SEMA3E: variants seen among roughly 807,000 people sequenced by gnomAD.
SEMA3E encodes semaphorin-3E.
A neutral mutation model predicts 93.6 loss-of-function variants in SEMA3E; 49 were observed. The observed-to-expected ratio is 0.52, with a 90% CI of 0.42 to 0.66. The LOEUF (loss-of-function observed/expected upper bound fraction) is 0.66. Ranked by LOEUF, SEMA3E falls within the 30% of genes least tolerant of loss-of-function variation. SEMA3E has a pLI of 0.00. For missense variants in SEMA3E, 906 were observed against 964.8 expected, an observed-to-expected ratio of 0.94 and a Z score of 0.81; for synonymous variants, 363 against 330.7, an observed-to-expected ratio of 1.10 and a Z score of -1.06.
chr7:83,433,003 A>G (rs1241964340), intron 4 of SEMA3E, among the ~76,000 whole-genome samples: 1 of 152,158 alleles, frequency 6.6e-6, no homozygotes, highest in Non-Finnish European at 1.5e-5. Flanking sequence ...AACTTTTGCT[A>G]TGCATTTGAT....
At chr7:83,418,248 A>G in intron 5 of SEMA3E, 142 bp downstream of exon 5, 1 of 696,838 alleles carries the variant, frequency 1.4e-6, no homozygotes, top group South Asian at 1.6e-5. Context: ...CTTGAAATTT[A>G]ATATCATTGC....
intron 1 of SEMA3E, among the ~76,000 whole-genome samples, chr7:83,582,120 T>C (rs17157873): frequency 0.27 from 41,480 of 151,302 alleles, 6,226 homozygotes; most frequent in East Asian, 0.39. Context: ...CAAGCATTTT[T>C]CCCATATATA....
In SEMA3E at chr7:83,363,859, CATTTTTTTT is replaced by C. The variant is rs1794621573; in HGVS notation, c.*3718_*3726del. 8.2e-4 allele frequency: 82 copies of C among 100,558 alleles called. 1 individual carries two copies. Among genetic ancestry groups the C allele is most frequent in the African/African-American group, 2.6e-3 (55 of 21,448 alleles). 6.2% of individuals were successfully genotyped at this position (100,558 alleles called of 1,614,324 possible). A position where few individuals can be genotyped will look rare whatever the true frequency, so the allele number is the denominator to read the frequency against. Reference sequence around the variant, plus strand: ...AGGCTACAGGTGTCACAGGTCAATTCATTTTTTTTTTTTTTTTTTTTTTTTTTTTTTTTT... The same window carrying C: ...AGGCTACAGGTGTCACAGGTCAATTCTTTTTTTTTTTTTTTTTTTTTTTTT... On this transcript the variant is annotated 3_prime_UTR_variant, in exon 17 of 17. Transcript: ENST00000643230.
intron 4 of SEMA3E, among the ~76,000 whole-genome samples, chr7:83,419,104 T>G (rs2115697661): frequency 8.8e-6 from 1 of 113,884 alleles, no homozygotes; most frequent in Non-Finnish European, 2.0e-5. Context: ...TATGTCTGCA[T>G]GTACCTAATA....
rs202040246 is a variant in SEMA3E, at chr7:83,385,278, T to G, written c.1875+16A>C. The G allele has an allele frequency of 6.2e-7, 1 of 1,612,822 alleles. No homozygotes were observed. Among genetic ancestry groups the G allele is most frequent in the African/African-American group, 1.3e-5 (1 of 74,984 alleles). The stretch of plus-strand genomic sequence containing the variant: ...TATGCAAAATACTATGTTTTGAATA[T>G]GCAGCTATGAATTACCTCCTCTTTT... On this transcript the variant is annotated intron_variant, in intron 16 of 16. Transcript: ENST00000643230.
intron 1 of SEMA3E, among the ~76,000 whole-genome samples, chr7:83,573,152 A>G (rs1008221120): frequency 6.6e-6 from 1 of 152,150 alleles, no homozygotes; most frequent in Non-Finnish European, 1.5e-5. Flanking sequence ...CTATGCATCC[A>G]ACAAAGGTCT....
intron 1 of SEMA3E, among the ~76,000 whole-genome samples, chr7:83,584,240 T>C (rs1792573380): frequency 6.6e-6 from 1 of 152,150 alleles, no homozygotes; most frequent in African/African-American, 2.4e-5. Flanking sequence ...ATAAACATTT[T>C]ACAAATAGGG....
intron 16 of SEMA3E, among the ~76,000 whole-genome samples, chr7:83,370,700 C>A (rs1304689973): frequency 2.0e-5 from 3 of 152,260 alleles, no homozygotes. Flanking sequence ...GCCTTTCTCA[C>A]ACCCTGTAAA....
chr7:83,377,283 G>A (rs1014388045), intron 16 of SEMA3E, among the ~76,000 whole-genome samples: 1 of 151,934 alleles, frequency 6.6e-6, no homozygotes, highest in East Asian at 1.9e-4. Flanking sequence ...CCAAAATAGA[G>A]GCATTTTTCA....
At chr7:83,574,838 G>C (rs894711612) in intron 1 of SEMA3E, among the ~76,000 whole-genome samples, 3 of 152,142 alleles carry the variant, frequency 2.0e-5, no homozygotes, top group African/African-American at 4.8e-5. Context: ...GCTGACCACA[G>C]TCACATGGGA....
intron 5 of SEMA3E, among the ~76,000 whole-genome samples, chr7:83,415,199 T>C (rs905288333): frequency 2.0e-5 from 3 of 152,094 alleles, no homozygotes; most frequent in Non-Finnish European, 2.9e-5. Flanking sequence ...TACTGAAAAA[T>C]TTATTGTTTC....
At chr7:83,438,808 T>C (rs1789054021) in intron 4 of SEMA3E, among the ~76,000 whole-genome samples, 2 of 152,088 alleles carry the variant, frequency 1.3e-5, no homozygotes, top group Non-Finnish European at 2.9e-5. Context: ...AGAAATAAAA[T>C]GAGTAAACAT....
At chr7:83,630,377 C>T (rs1454378468) in intron 1 of SEMA3E, among the ~76,000 whole-genome samples, 2 of 152,108 alleles carry the variant, frequency 1.3e-5, no homozygotes, top group African/African-American at 4.8e-5. Flanking sequence ...AATAGGATAG[C>T]AAAGTTTGGC....
intron 1 of SEMA3E, among the ~76,000 whole-genome samples, chr7:83,615,823 T>A (rs374865596): frequency 1.3e-5 from 2 of 152,190 alleles, no homozygotes; most frequent in East Asian, 3.9e-4. Flanking sequence ...GAAGAAATGT[T>A]TTCAGCAAGC....
chr7:83,629,929 A>T (rs1425091038), intron 1 of SEMA3E, among the ~76,000 whole-genome samples: 2 of 152,142 alleles, frequency 1.3e-5, no homozygotes, highest in Non-Finnish European at 2.9e-5. Flanking sequence ...CAGGCACCCG[A>T]GGGAATCTCC....
chr7:83,569,743 C>T (rs561154031), intron 1 of SEMA3E, among the ~76,000 whole-genome samples: 3 of 152,246 alleles, frequency 2.0e-5, no homozygotes, highest in South Asian at 2.1e-4. Flanking sequence ...AACAAGTTCT[C>T]CTTGACTATG....
chr7:83,435,492 A>T (rs545258583), intron 4 of SEMA3E, among the ~76,000 whole-genome samples: 1 of 152,140 alleles, frequency 6.6e-6, no homozygotes, highest in Non-Finnish European at 1.5e-5. Context: ...GCTGCCCAGG[A>T]GGCCGAGGCA....
intron 4 of SEMA3E, among the ~76,000 whole-genome samples, chr7:83,445,390 TTAAAG>T: frequency 6.6e-6 from 1 of 152,272 alleles, no homozygotes; most frequent in East Asian, 1.9e-4. Flanking sequence ...ATTTGGTGGA[TTAAAG>T]TAATGAAGAA....
chr7:83,477,670 C>T (rs1790044165), intron 2 of SEMA3E, among the ~76,000 whole-genome samples: 1 of 152,046 alleles, frequency 6.6e-6, no homozygotes, highest in African/African-American at 2.4e-5. Context: ...TAGCCTGATG[C>T]ATGGCCTTTT....
Sources: gnomAD v4.1 joint callset for allele counts (sites outside exome capture counted in the v4.1 genomes callset) on GRCh38, gnomAD v4.1.1 for gene constraint, MANE v1.5 for transcripts, NCBI Gene and HGNC (gene_info 2026-07-23, HGNC 2026-07-21) for gene names.